VSNL1: variants seen among roughly 807,000 people sequenced by gnomAD.
VSNL1 encodes the protein visinin like 1, also known as visinin-like protein 1.
In VSNL1, 6 loss-of-function variants were observed where a neutral mutation model predicts 20.4. That is an observed-to-expected ratio of 0.29 (90% confidence interval 0.16 to 0.58). VSNL1 has a LOEUF of 0.58. Ranked by LOEUF, VSNL1 falls within the 20% of genes least tolerant of loss-of-function variation. VSNL1 has a pLI of 0.90. For synonymous variants in VSNL1, 93 were observed against 86.4 expected, an observed-to-expected ratio of 1.08 and a Z score of -0.42; for missense variants, 100 against 234.5, an observed-to-expected ratio of 0.43 and a Z score of 3.75.
intron 3 of VSNL1, among the ~76,000 whole-genome samples, chr2:17,653,629 G>C (rs1306863351): frequency 6.6e-6 from 1 of 152,108 alleles, no homozygotes; most frequent in Non-Finnish European, 1.5e-5. Flanking sequence ...AGCTACAAAA[G>C]TAAATACGCA....
intron 1 of VSNL1, among the ~76,000 whole-genome samples, chr2:17,556,996 A>G (rs903520088): frequency 6.6e-6 from 1 of 152,192 alleles, no homozygotes; most frequent in Non-Finnish European, 1.5e-5. Context: ...CAGTTAATCC[A>G]GCAAAGGAGA....
chr2:17,616,431 G>A (rs1665218281), intron 2 of VSNL1, among the ~76,000 whole-genome samples: 1 of 152,224 alleles, frequency 6.6e-6, no homozygotes, highest in African/African-American at 2.4e-5. Flanking sequence ...AAATGGCATA[G>A]TGTAGCCTTG....
intron 2 of VSNL1, among the ~76,000 whole-genome samples, chr2:17,645,845 G>A (rs1050379452): frequency 5.9e-5 from 8 of 135,372 alleles, no homozygotes; most frequent in African/African-American, 1.9e-4. Flanking sequence ...GAGTACAACC[G>A]GGAGCAGTCA....
chr2:17,610,096 G>A (rs1665049575), intron 2 of VSNL1, among the ~76,000 whole-genome samples: 1 of 152,234 alleles, frequency 6.6e-6, no homozygotes, highest in Non-Finnish European at 1.5e-5. Flanking sequence ...CATAGGGTAA[G>A]GGACAAACAC....
At chr2:17,573,735 T>A (rs1333572757) in intron 1 of VSNL1, among the ~76,000 whole-genome samples, 2 of 152,228 alleles carry the variant, frequency 1.3e-5, no homozygotes, top group Admixed American at 1.3e-4. Flanking sequence ...GGTGTTTTTG[T>A]TGATTGACTT....
chr2:17,633,348 C>CAAAAAAAAAAAAAAAAAAA (rs10706048), intron 2 of VSNL1, among the ~76,000 whole-genome samples: 2 of 50,540 alleles, frequency 4.0e-5, no homozygotes, highest in Non-Finnish European at 7.4e-5. Flanking sequence ...ACTAAAAATA[C>CAAAAAAAAAAAAAAAAAAA]AAAAAAAAAA....
At chr2:17,635,190 G>A (rs1251814102) in intron 2 of VSNL1, among the ~76,000 whole-genome samples, 1 of 152,186 alleles carries the variant, frequency 6.6e-6, no homozygotes, top group African/African-American at 2.4e-5. Flanking sequence ...CTGAAGGACA[G>A]GGGTGTGTGT....
chr2:17,556,443 A>G (rs200853116), intron 1 of VSNL1, among the ~76,000 whole-genome samples: 1 of 152,200 alleles, frequency 6.6e-6, no homozygotes. Flanking sequence ...TTGTGGCTGT[A>G]GTGTCACACA....
intron 1 of VSNL1, among the ~76,000 whole-genome samples, chr2:17,589,318 C>T (rs888412525): frequency 3.9e-5 from 6 of 152,166 alleles, no homozygotes; most frequent in African/African-American, 1.4e-4. Flanking sequence ...GGACCTGAGC[C>T]ACGCTAAGGA....
intron 2 of VSNL1, among the ~76,000 whole-genome samples, chr2:17,603,613 T>C (rs997967247): frequency 2.0e-5 from 3 of 152,014 alleles, no homozygotes; most frequent in Non-Finnish European, 4.4e-5. Flanking sequence ...GAAAGTGAGA[T>C]GAAGATATGG....
At chr2:17,551,167 C>G (rs1663525947) in intron 1 of VSNL1, among the ~76,000 whole-genome samples, 1 of 152,142 alleles carries the variant, frequency 6.6e-6, no homozygotes, top group African/African-American at 2.4e-5. Flanking sequence ...TGCCAGATTA[C>G]ACAGGCACCA....
At chr2:17,565,632 A>T (rs991144395) in intron 1 of VSNL1, among the ~76,000 whole-genome samples, 14 of 152,344 alleles carry the variant, frequency 9.2e-5, no homozygotes, top group Non-Finnish European at 1.8e-4. Flanking sequence ...CTAATACAAC[A>T]ACAGAGAAAG....
At chr2:17,644,705 G>A (rs1665956316) in intron 2 of VSNL1, among the ~76,000 whole-genome samples, 2 of 152,184 alleles carry the variant, frequency 1.3e-5, no homozygotes, top group African/African-American at 4.8e-5. Flanking sequence ...AATCAGCTGG[G>A]GTGGCCTGTG....
chr2:17,576,837 A>G (rs1664226919), intron 1 of VSNL1, among the ~76,000 whole-genome samples: 1 of 148,888 alleles, frequency 6.7e-6, no homozygotes, highest in African/African-American at 2.5e-5. Context: ...ATTTGTGTTT[A>G]CTCTTTTCTA....
chr2:17,616,978 G>GT (rs141251230), intron 2 of VSNL1, among the ~76,000 whole-genome samples: 8,240 of 152,268 alleles, frequency 0.054, 258 homozygotes, highest in East Asian at 0.092. Context: ...CTCGTCCCTT[G>GT]GGGGGTTGGC....
chr2:17,610,629 T>C (rs919406637), intron 2 of VSNL1, among the ~76,000 whole-genome samples: 1 of 152,156 alleles, frequency 6.6e-6, no homozygotes, highest in Admixed American at 6.5e-5. Flanking sequence ...CATAATCTAA[T>C]GGAAACAAGC....
At chr2:17,584,062 G>GA (rs1664411675) in intron 1 of VSNL1, among the ~76,000 whole-genome samples, 2 of 152,076 alleles carry the variant, frequency 1.3e-5, no homozygotes, top group South Asian at 2.1e-4. Context: ...TATTTTATTT[G>GA]AAAAATGGGG....
chr2:17,570,040 C>T (rs540238736), intron 1 of VSNL1, among the ~76,000 whole-genome samples: 1 of 152,296 alleles, frequency 6.6e-6, no homozygotes, highest in African/African-American at 2.4e-5. Flanking sequence ...ATATACCTGG[C>T]ATAATGTAAA....
intron 1 of VSNL1, among the ~76,000 whole-genome samples, chr2:17,550,566 A>G (rs1201625803): frequency 2.0e-5 from 3 of 152,216 alleles, no homozygotes; most frequent in African/African-American, 4.8e-5. Flanking sequence ...TAAGATTTTC[A>G]TCCTACTGGG....
Sources: allele counts gnomAD v4.1 joint callset (sites outside exome capture counted in the v4.1 genomes callset), GRCh38; gene constraint gnomAD v4.1.1; transcripts MANE v1.5; gene names NCBI Gene and HGNC (gene_info 2026-07-23, HGNC 2026-07-21).